Variants in PROSER3 observed in about 807,000 individuals in gnomAD.
The protein encoded by PROSER3 is proline and serine rich 3.
Under a neutral mutation model 50.2 loss-of-function variants are expected in PROSER3, and 33 were observed. That is an observed-to-expected ratio of 0.66 (90% CI 0.50 to 0.88). PROSER3 has a LOEUF of 0.88. Among genes scored for constraint, PROSER3 ranks in the 40% least tolerant of loss-of-function variants. The pLI, the probability that PROSER3 is intolerant of heterozygous loss-of-function variation, is 0.00. For missense variants in PROSER3, 623 were observed against 612.7 expected, an observed-to-expected ratio of 1.02 and a Z score of -0.18; for synonymous variants, 266 against 259.3, an observed-to-expected ratio of 1.03 and a Z score of -0.25.
chr19:35,759,863 C>T lies in PROSER3; in HGVS notation c.183C>T (p.Ser61=), dbSNP rs1186225582. 5 of 1,583,666 alleles carry T rather than the reference C, an allele frequency of 3.2e-6. No homozygotes were observed. In the South Asian group the frequency reaches 5.8e-5, roughly 18 times the overall value. The change falls in exon 3 of 11, where the codon TCC becomes TCT. Residue 61 remains serine (S), a synonymous_variant. Transcript: ENST00000396908. ...AGGCTCTAGCCACAGGTCCCAACTC[C>T]CCTGAGCTGTTTGAGGAGTCCTGGC...
At chr19:35,762,579 A>C in intron 5 of PROSER3, 1 of 515,290 alleles carries the variant, frequency 1.9e-6, no homozygotes, top group Non-Finnish European at 3.5e-6. Context: ...AGAGAGAGAG[A>C]ACCAGGTGTG....
At chr19:35,765,088 C>G in exon 7 of PROSER3, 1 of 1,614,018 alleles carries the variant, frequency 6.2e-7, no homozygotes, top group Non-Finnish European at 8.5e-7. Flanking sequence ...CCAGCACTTC[C>G]TCATTCCCCA....
Position 35,758,395 on chromosome 19 carries a change from G to A in PROSER3, c.11+169G>A. 4 of 846,390 alleles carry A rather than the reference G, an allele frequency of 4.7e-6. No homozygotes were observed. The South Asian group carries it at 6.5e-5, about 14-fold the overall frequency. 52.4% of individuals were successfully genotyped at this position (846,390 alleles called of 1,614,324 possible). A position where few individuals can be genotyped will look rare whatever the true frequency, so the allele number is the denominator to read the frequency against. ...GCCGTTGGCCTCTCCAGCCGTAGCC[G>A]TTAGCATCCCGGGGGTCCCCTAAGA... On this transcript the variant is annotated intron_variant, in intron 1 of 10. Transcript: ENST00000396908.
intron 8 of PROSER3, chr19:35,767,724 C>A (rs1352454367): frequency 1.3e-6 from 2 of 1,514,820 alleles, no homozygotes; most frequent in Non-Finnish European, 1.8e-6. Flanking sequence ...CCACCCAAGG[C>A]TGGATCTCCG....
At chr19:35,763,032 AAAAAAAAAAAAAG>A (rs1435009292) in intron 5 of PROSER3, 1 of 151,828 alleles carries the variant, frequency 6.6e-6, no homozygotes, top group Non-Finnish European at 1.5e-5. Flanking sequence ...CCATCTCAAA[AAAAAAAAAAAAAG>A]AATTAGAGCT....
At chr19:35,768,697 C>G in exon 11 of PROSER3, 3 of 891,888 alleles carry the variant, frequency 3.4e-6, no homozygotes, top group Non-Finnish European at 4.8e-6. Context: ...ATGGCTCTGC[C>G]CTGCCCCCCA....
downstream of PROSER3, chr19:35,769,622 C>T (rs967557660): frequency 5.3e-5 from 8 of 152,376 alleles, no homozygotes; most frequent in African/African-American, 1.9e-4. Flanking sequence ...CCCCAACTTT[C>T]TTCGGCTCTG....
rs773552950 is a variant in PROSER3 at position 35,764,839 on chromosome 19, C to T, written c.544-15C>T. Reference sequence around the variant, plus strand: ...CTTTGGGTTGGGGCTGGCGTCTGACCCTGTCACCCTGCAGAACCTCCACAC... The same window carrying T: ...CTTTGGGTTGGGGCTGGCGTCTGACTCTGTCACCCTGCAGAACCTCCACAC... On this transcript the variant is annotated splice_polypyrimidine_tract_variant and intron_variant, in intron 5 of 10. Transcript: ENST00000396908. 6.2e-7 allele frequency: 1 copy of T among 1,610,514 alleles called. No individual in the cohort carries two copies. The highest frequency in any genetic ancestry group is 1.1e-5 in the South Asian group (1 of 90,690).
chr19:35,759,979 C>T (rs1199480359), exon 3 of PROSER3: 1 of 1,591,424 alleles, frequency 6.3e-7, no homozygotes. Context: ...AGCGGGGACT[C>T]CGTGGTGGCC....
At position 35,768,195 on chromosome 19, in the gene PROSER3, G is replaced by GCT; in HGVS notation, c.1260_1261insCT (p.Val421LeufsTer3). On this transcript the variant is annotated frameshift_variant, in exon 10 of 11. Transcript: ENST00000396908. LOFTEE classifies it low-confidence loss of function (END_TRUNC). ...AGTTCCAGGACGATCCCGTGCTGCA[G>GCT]GTGCTAAGAGCCCATAGGGCAGAGC... The GCT allele has an allele frequency of 2.5e-6, 4 of 1,613,642 alleles. No individual in the cohort carries two copies. The highest frequency in any genetic ancestry group is 3.4e-6 in the Non-Finnish European group (4 of 1,179,746).
At chr19:35,758,177 A>C in exon 1 of PROSER3, 1 of 1,552,536 alleles carries the variant, frequency 6.4e-7, no homozygotes, top group South Asian at 1.2e-5. Flanking sequence ...CTGTTGGGTG[A>C]AGGAGCAGAG....
Position 35,761,967 on chromosome 19 carries a change from T to G in PROSER3, c.312-52T>G, listed in dbSNP as rs190433481. 2.0e-4 allele frequency: 307 copies of G among 1,512,522 alleles called. No individual in the cohort carries two copies. The African/African-American group carries it at 3.8e-3, about 19-fold the overall frequency. 93.7% of individuals were successfully genotyped at this position (1,512,522 alleles called of 1,614,324 possible). On this transcript the variant is annotated intron_variant, in intron 3 of 10. Coordinates refer to ENST00000396908, the Ensembl canonical transcript of PROSER3. ...CGTTGGCTGCTATAATTATTCTTATTATTATTTGGCTCTCCTCACTCCACT... is the reference window on the plus strand; with the variant it reads ...CGTTGGCTGCTATAATTATTCTTATGATTATTTGGCTCTCCTCACTCCACT...
intron 3 of PROSER3, among the ~76,000 whole-genome samples, chr19:35,761,673 TA>T (rs1970956055): frequency 6.6e-6 from 1 of 151,830 alleles, no homozygotes; most frequent in Non-Finnish European, 1.5e-5. Flanking sequence ...AAAAATAAAC[TA>T]ATTAATTACA....
rs1970982929 is a variant in PROSER3, at chr19:35,762,374, T to G, written c.543+18T>G. ...TAAAGCAGGTGACATCCCCATTCAC[T>G]CCCTCCCTTGGGTGCCTGAACTGAC... On this transcript the variant is annotated intron_variant, in intron 5 of 10. Transcript: ENST00000396908. 1.9e-6 allele frequency: 3 copies of G among 1,572,020 alleles called. No individual in the cohort carries two copies. Among genetic ancestry groups the G allele is most frequent in the East Asian group, 2.3e-5 (1 of 42,846 alleles).
At chr19:35,770,027 C>T (rs1232611762), downstream of PROSER3, among the ~76,000 whole-genome samples, 2 of 152,152 alleles carry the variant, frequency 1.3e-5, no homozygotes, top group East Asian at 3.9e-4. Flanking sequence ...GCCTCAGCCT[C>T]CCTAGTAGCT....
chr19:35,761,049 C>T (rs1230084851), intron 3 of PROSER3, among the ~76,000 whole-genome samples: 2 of 152,242 alleles, frequency 1.3e-5, no homozygotes, highest in Non-Finnish European at 2.9e-5. Context: ...ACACAGGTTA[C>T]TTCTGTCTTG....
At chr19:35,770,951 G>C (rs530872801), downstream of PROSER3, 2 of 151,494 alleles carry the variant, frequency 1.3e-5, no homozygotes, top group East Asian at 1.9e-4. Context: ...ATGCACTTAT[G>C]AAACTTAGTG....
chr19:35,764,922 G>A, exon 6 of PROSER3: 1 of 1,613,706 alleles, frequency 6.2e-7, no homozygotes, highest in Non-Finnish European at 8.5e-7. Context: ...GAGCTGCCAG[G>A]CTGCTCAAAC....
intron 5 of PROSER3, chr19:35,763,035 A>G (rs1971011773): frequency 6.6e-6 from 1 of 152,128 alleles, no homozygotes; most frequent in African/African-American, 2.4e-5. Context: ...TCTCAAAAAA[A>G]AAAAAAAAAG....
Sources: allele counts gnomAD v4.1 joint callset (sites outside exome capture counted in the v4.1 genomes callset), GRCh38; gene constraint gnomAD v4.1.1; transcripts MANE v1.5; gene names NCBI Gene and HGNC (gene_info 2026-07-23, HGNC 2026-07-21).